NBEA: variants seen among roughly 807,000 people sequenced by gnomAD.
NBEA encodes the protein lysosomal-trafficking regulator 2.
A neutral mutation model predicts 343.4 loss-of-function variants in NBEA; 44 were observed. The observed-to-expected ratio is 0.13, with a 90% CI of 0.10 to 0.16. NBEA has a LOEUF of 0.16. NBEA is among the 10% of genes least tolerant of loss of function. NBEA has a pLI of 1.00. For missense variants in NBEA, 2,555 were observed against 3,631.3 expected (o/e 0.70, Z 7.62); for synonymous variants, 1,175 against 1,238.7 (o/e 0.95, Z 1.08).
intron 41 of NBEA, among the ~76,000 whole-genome samples, chr13:35,539,942 A>AAAAAAAAT (rs1566289232): frequency 1.4e-5 from 2 of 147,698 alleles, no homozygotes; most frequent in African/African-American, 2.5e-5. Context: ...AAAAAAAAAA[A>AAAAAAAAT]GTGCACTAGT....
At chr13:35,483,333 T>A (rs1291985849) in intron 41 of NBEA, among the ~76,000 whole-genome samples, 1 of 151,966 alleles carries the variant, frequency 6.6e-6, no homozygotes, top group East Asian at 1.9e-4. Context: ...TTTCTAGCTT[T>A]ATGGCACTAG....
chr13:35,071,916 G>A (rs1460742193), intron 10 of NBEA, among the ~76,000 whole-genome samples: 1 of 151,922 alleles, frequency 6.6e-6, no homozygotes, highest in East Asian at 1.9e-4. Flanking sequence ...CCGTCTATGG[G>A]TCTTGCCTTC....
chr13:35,397,825 C>G (rs2042816123), intron 38 of NBEA, among the ~76,000 whole-genome samples: 1 of 152,108 alleles, frequency 6.6e-6, no homozygotes, highest in Non-Finnish European at 1.5e-5. Context: ...GAAACTTCAG[C>G]AAGTTATAAT....
intron 51 of NBEA, among the ~76,000 whole-genome samples, chr13:35,646,709 A>C (rs2153076875): frequency 6.6e-6 from 1 of 152,338 alleles, no homozygotes; most frequent in East Asian, 1.9e-4. Context: ...TGATATTGCC[A>C]AATTTCGTGG....
chr13:34,975,771 A>C (rs914902809), intron 1 of NBEA, among the ~76,000 whole-genome samples: 1 of 152,230 alleles, frequency 6.6e-6, no homozygotes, highest in Non-Finnish European at 1.5e-5. Flanking sequence ...AAGGACATGA[A>C]TAGGTAATTC....
At chr13:35,357,631 A>AT (rs1306526537) in intron 38 of NBEA, among the ~76,000 whole-genome samples, 1 of 152,050 alleles carries the variant, frequency 6.6e-6, no homozygotes, top group Non-Finnish European at 1.5e-5. Flanking sequence ...AAAGGATATC[A>AT]TTTTTTGTTA....
intron 8 of NBEA, among the ~76,000 whole-genome samples, chr13:35,068,422 T>C (rs539984888): frequency 1.4e-3 from 206 of 152,296 alleles, no homozygotes; most frequent in African/African-American, 4.8e-3. Flanking sequence ...GATGTACAAA[T>C]GTTTCAGCAG....
At chr13:35,422,097 T>TC (rs141945211) in intron 38 of NBEA, among the ~76,000 whole-genome samples, 1 of 44,640 alleles carries the variant, frequency 2.2e-5, no homozygotes, top group Non-Finnish European at 4.0e-5. Context: ...TGTTTGTTTT[T>TC]TTTTTTTTTT....
At chr13:35,486,513 T>C (rs2076306735) in intron 41 of NBEA, among the ~76,000 whole-genome samples, 1 of 152,062 alleles carries the variant, frequency 6.6e-6, no homozygotes, top group South Asian at 2.1e-4. Context: ...TCTCATTTAA[T>C]CTTCACAACA....
At chr13:35,291,083 A>G (rs928724740) in intron 35 of NBEA, among the ~76,000 whole-genome samples, 36 of 151,904 alleles carry the variant, frequency 2.4e-4, no homozygotes, top group African/African-American at 8.7e-4. Flanking sequence ...CTTAAATAGG[A>G]ACCTATTGGT....
chr13:35,468,743 CA>C (rs1181217081), intron 40 of NBEA, among the ~76,000 whole-genome samples: 1 of 151,958 alleles, frequency 6.6e-6, no homozygotes, highest in African/African-American at 2.4e-5. Context: ...GGCAAGAAAG[CA>C]TTGACACATC....
intron 48 of NBEA, among the ~76,000 whole-genome samples, chr13:35,620,379 C>G (rs953002208): frequency 6.6e-6 from 1 of 151,980 alleles, no homozygotes; most frequent in Non-Finnish European, 1.5e-5. Context: ...AGCCAAGTGA[C>G]TCTCTTGGGG....
At chr13:35,104,759 C>G (rs750015317) in intron 11 of NBEA, among the ~76,000 whole-genome samples, 8 of 151,652 alleles carry the variant, frequency 5.3e-5, no homozygotes, top group Non-Finnish European at 1.0e-4. Flanking sequence ...TTTACTGTTC[C>G]ACGAAAAAAT....
chr13:35,422,073 G>A (rs908237589), intron 38 of NBEA, among the ~76,000 whole-genome samples: 19 of 135,270 alleles, frequency 1.4e-4, no homozygotes, highest in South Asian at 2.4e-4. Flanking sequence ...AAAGTTTTCC[G>A]CCATTTTTTT....
intron 7 of NBEA, among the ~76,000 whole-genome samples, chr13:35,056,607 G>A (rs529760027): frequency 1.5e-4 from 23 of 152,242 alleles, no homozygotes; most frequent in African/African-American, 5.3e-4. Context: ...AGCAAGATAT[G>A]TGGGGAACTT....
At position 35,630,053 on chromosome 13, in the gene NBEA, A is replaced by G. The variant is rs1271497906; in HGVS notation, c.7617+1805A>G. ...AAACAAATTAAATACATTAAACACA[A>G]AATAAAATAAATTAAATAAATTAAA... On this transcript the variant is annotated intron_variant, in intron 49 of 58. Transcript: ENST00000379939. Among the ~76,000 whole-genome samples, 3 of 144,560 alleles carry G rather than the reference A, an allele frequency of 2.1e-5. No individual in the cohort carries two copies. The East Asian group carries it at 5.9e-4, about 28-fold the overall frequency. The allele number at this position is 144,560 out of a possible 152,430, so 94.8% of individuals were successfully genotyped here. A position where few individuals can be genotyped will look rare whatever the true frequency, so the allele number is the denominator to read the frequency against.
At chr13:35,295,690 A>AACT (rs1339769691) in intron 35 of NBEA, among the ~76,000 whole-genome samples, 2 of 152,184 alleles carry the variant, frequency 1.3e-5, no homozygotes, top group African/African-American at 4.8e-5. Flanking sequence ...TATCAGTAGA[A>AACT]AATAATTGGG....
intron 34 of NBEA, among the ~76,000 whole-genome samples, chr13:35,256,149 GGAGACCTGCAATGGGTAACTCC>G (rs1199215734): frequency 1.3e-5 from 2 of 152,110 alleles, no homozygotes; most frequent in Non-Finnish European, 2.9e-5. Flanking sequence ...TCAGCAGAGA[GGAGACCTGCAATGGGTAACTCC>G]TATGCACAGG....
chr13:35,179,534 A>AAAAAAAT (rs879942977), intron 28 of NBEA, among the ~76,000 whole-genome samples: 2 of 151,480 alleles, frequency 1.3e-5, no homozygotes, highest in Middle Eastern at 3.4e-3. Flanking sequence ...TCTGGGTTAA[A>AAAAAAAT]AAAAAATAAA....
Sources: allele counts gnomAD v4.1 joint callset (sites outside exome capture counted in the v4.1 genomes callset), GRCh38; gene constraint gnomAD v4.1.1; transcripts MANE v1.5; gene names NCBI Gene and HGNC (gene_info 2026-07-23, HGNC 2026-07-21).